The following USP24 variants were observed in gnomAD, a reference collection of about 807,000 sequenced individuals.
USP24 encodes the protein ubiquitin specific peptidase 24, also known as ubiquitin carboxyl-terminal hydrolase 24.
USP24 carries 97 observed loss-of-function variants against 361.6 expected under a neutral mutation model. That is an observed-to-expected ratio of 0.27 (90% CI 0.23 to 0.32). The LOEUF (loss-of-function observed/expected upper bound fraction) is 0.32, where lower values mean the gene tolerates loss of function less well. USP24 is among the 10% of genes least tolerant of loss of function. The pLI is 1.00. For missense variants in USP24, 2,353 were observed against 3,165.6 expected, an observed-to-expected ratio of 0.74 and a Z score of 6.16; for synonymous variants, 1,098 against 1,124.6, an observed-to-expected ratio of 0.98 and a Z score of 0.47.
chr1:55,205,209 A>G (rs1644675135), intron 1 of USP24, among the ~76,000 whole-genome samples: 1 of 152,166 alleles, frequency 6.6e-6, no homozygotes, highest in Admixed American at 6.5e-5. Context: ...AAATATAGTC[A>G]CCACAGAACT....
rs756928536 is a variant in USP24, at chr1:55,178,103, C to T, written c.354G>A (p.Gly118=). Residue 118 remains glycine, a synonymous_variant, in exon 2 of 68, where the codon GGG becomes GGA. Transcript: ENST00000294383. ...EKNDENGNCS[G]EGIEFPTTNL... ...TTGTTGTAGGGAATTCAATTCCTTC[C>T]CCTGAGCAGTTTCCATTCTCATCAT... 1.8e-5 allele frequency: 28 copies of T among 1,551,318 alleles called. No homozygotes were observed. Among genetic ancestry groups the T allele is most frequent in the South Asian group, 1.1e-4 (9 of 84,046 alleles).
chr1:55,077,215 T>C lies in USP24; in HGVS notation c.7380+20A>G. 5 of 1,491,064 alleles carry C rather than the reference T, an allele frequency of 3.4e-6. No individual in the cohort carries two copies. Among genetic ancestry groups the C allele is most frequent in the Non-Finnish European group, 4.5e-6 (5 of 1,106,754 alleles). The allele number at this position is 1,491,064 out of a possible 1,614,324, so 92.4% of individuals were successfully genotyped here. A position where few individuals can be genotyped will look rare whatever the true frequency, so the allele number is the denominator to read the frequency against. On this transcript the variant is annotated intron_variant, in intron 62 of 67. Transcript: ENST00000294383. Reference sequence around the variant, plus strand: ...TAATACATTCCTAAATAAAAGTGAGTCAGAACAGTTATGACTTACCAATAT... The same window carrying C: ...TAATACATTCCTAAATAAAAGTGAGCCAGAACAGTTATGACTTACCAATAT...
chr1:55,124,508 G>C lies in USP24; in HGVS notation c.4081C>G (p.Leu1361Val). ...CTGTTTCGAATTCCAGCAGGACACA[G>C]GGAATTACTTTCTTTAATTGGCTGG... ...SSQPIKESNS[L>V]CPAGIRNRLS... The change falls in exon 35 of 68, where the codon CTG becomes GTG. Residue 1361 changes from leucine to valine, a missense_variant. Physicochemically the swap from Leu to Val is conservative, Grantham distance 32. Coordinates refer to ENST00000294383, the MANE Select transcript of USP24 (RefSeq NM_015306.3). The C allele has an allele frequency of 6.2e-7, 1 of 1,613,346 alleles. No individual in the cohort carries two copies. The highest frequency in any genetic ancestry group is 8.5e-7 in the Non-Finnish European group (1 of 1,179,644).
chr1:55,210,627 G>C (rs1644825883), intron 1 of USP24, among the ~76,000 whole-genome samples: 1 of 152,080 alleles, frequency 6.6e-6, no homozygotes, highest in African/African-American at 2.4e-5. Flanking sequence ...TAGGAATGAG[G>C]TAAGTTAAGG....
chr1:55,154,285 A>T lies in USP24; in HGVS notation c.1651-5T>A. The T allele has an allele frequency of 6.2e-7, 1 of 1,605,786 alleles. No homozygotes were observed. The highest frequency in any genetic ancestry group is 8.5e-7 in the Non-Finnish European group (1 of 1,175,602). Reference sequence around the variant, plus strand: ...TTCCCAGAGTACGTCTAAAACCTACAATAATATTACATATGATCAGCCAGC... The same window carrying T: ...TTCCCAGAGTACGTCTAAAACCTACTATAATATTACATATGATCAGCCAGC... On this transcript the variant is annotated splice_polypyrimidine_tract_variant and splice_region_variant and intron_variant, in intron 14 of 67. Coordinates refer to ENST00000294383, the MANE Select transcript of USP24 (RefSeq NM_015306.3).
intron 1 of USP24, among the ~76,000 whole-genome samples, chr1:55,206,770 A>C (rs1416892891): frequency 3.9e-5 from 6 of 152,116 alleles, no homozygotes; most frequent in African/African-American, 1.4e-4. Context: ...CTATTCCATA[A>C]AAAAGAGAGC....
At chr1:55,076,778 A>T (rs1335389358) in intron 62 of USP24, among the ~76,000 whole-genome samples, 1 of 152,202 alleles carries the variant, frequency 6.6e-6, no homozygotes, top group Non-Finnish European at 1.5e-5. Context: ...ACAATTGATT[A>T]CATTTCAGTT....
intron 23 of USP24, 43 bp downstream of exon 23, chr1:55,142,699 A>G (rs761982745): frequency 7.9e-7 from 1 of 1,272,378 alleles, no homozygotes; most frequent in East Asian, 2.6e-5. Flanking sequence ...AAAGAAAAAA[A>G]GCATTTACCT....
chr1:55,194,986 A>G (rs1185407449), intron 1 of USP24, among the ~76,000 whole-genome samples: 2 of 151,570 alleles, frequency 1.3e-5, no homozygotes, highest in African/African-American at 2.4e-5. Flanking sequence ...TGCCCCCTCC[A>G]AAGGGCCACC....
In USP24 at chr1:55,095,409, AC is replaced by A. The variant is rs1645474265; in HGVS notation, c.6062-14del. On this transcript the variant is annotated splice_polypyrimidine_tract_variant and intron_variant, in intron 50 of 67. Transcript: ENST00000294383. ...GTGTATGGGTTTGCTTTATAACAAG[AC>A]ATTAAGAAACACATCTGTAAATAAA... 4 of 1,589,058 alleles carry A rather than the reference AC, an allele frequency of 2.5e-6. No individual in the cohort carries two copies. The highest frequency in any genetic ancestry group is 3.4e-6 in the Non-Finnish European group (4 of 1,168,296).
At chr1:55,190,164 CAAAAAA>C (rs397696116) in intron 1 of USP24, among the ~76,000 whole-genome samples, 1 of 78,740 alleles carries the variant, frequency 1.3e-5, no homozygotes, top group Non-Finnish European at 2.2e-5. Context: ...GACTCCATCT[CAAAAAA>C]AAAAAAAAAA....
chr1:55,069,731 GCA>G (rs1644881464), intron 67 of USP24, among the ~76,000 whole-genome samples: 1 of 151,850 alleles, frequency 6.6e-6, no homozygotes, highest in African/African-American at 2.4e-5. Flanking sequence ...AATGGGCCAG[GCA>G]CAGTCGCTTA....
At chr1:55,107,001 G>C (rs1415436356) in intron 40 of USP24, among the ~76,000 whole-genome samples, 1 of 152,150 alleles carries the variant, frequency 6.6e-6, no homozygotes, top group Non-Finnish European at 1.5e-5. Flanking sequence ...CTTGGTATTA[G>C]GAAGTTATGT....
rs535476993 is a variant in USP24 at position 55,173,938 on chromosome 1, A to G, written c.559-1418T>C. ...GCAGCAATCCCTCTGGCACCATTCC[A>G]TTTGCTCATTTTTCACTTTGAAAAT... On this transcript the variant is annotated intron_variant, in intron 3 of 67. Coordinates refer to ENST00000294383, the MANE Select transcript of USP24 (RefSeq NM_015306.3). Among the ~76,000 whole-genome samples the G allele has an allele frequency of 3.9e-5, 6 of 152,322 alleles. No individual in the cohort carries two copies. In the East Asian group the frequency reaches 5.8e-4, roughly 15 times the overall value.
At chr1:55,201,600 CAAAAAAAAA>C (rs56659823) in intron 1 of USP24, among the ~76,000 whole-genome samples, 6 of 35,460 alleles carry the variant, frequency 1.7e-4, no homozygotes, top group East Asian at 9.6e-4. Context: ...GACTCCATCT[CAAAAAAAAA>C]AAAAAAAAAA....
At chr1:55,148,412 T>C in intron 17 of USP24, 51 bp downstream of exon 17, 1 of 1,382,960 alleles carries the variant, frequency 7.2e-7, no homozygotes, top group Non-Finnish European at 9.9e-7. Flanking sequence ...GTTTTGTTAT[T>C]GTAAAAGTTA....
intron 16 of USP24, among the ~76,000 whole-genome samples, chr1:55,149,833 A>C (rs563343744): frequency 8.5e-5 from 13 of 152,314 alleles, no homozygotes; most frequent in Middle Eastern, 3.4e-3. Context: ...TTCTCACTTA[A>C]ATTTGGATCA....
intron 1 of USP24, among the ~76,000 whole-genome samples, chr1:55,200,004 A>G (rs1310074376): frequency 1.3e-5 from 2 of 152,220 alleles, no homozygotes; most frequent in African/African-American, 4.8e-5. Context: ...TGATAAAACC[A>G]TCAGATCTTG....
In USP24 at chr1:55,171,593, T is replaced by C. The variant is rs767476206; in HGVS notation, c.788A>G (p.Asn263Ser). 1.9e-6 allele frequency: 3 copies of C among 1,611,500 alleles called. No individual in the cohort carries two copies. The highest frequency in any genetic ancestry group is 2.2e-5 in the East Asian group (1 of 44,746). The change falls in exon 5 of 68, where the codon AAT (asparagine) becomes AGT (serine). Residue 263 changes from asparagine to serine, a missense_variant. Asn to Ser is a conservative substitution (Grantham distance 46, BLOSUM62 1). Coordinates refer to ENST00000294383, the MANE Select transcript of USP24 (RefSeq NM_015306.3). ...RNWAEVFGEGNMFAVSPVSTF... is the reference protein window; with the variant it reads ...RNWAEVFGEGSMFAVSPVSTF... Reference sequence around the variant, plus strand: ...CGATACAGGTGAAACAGCAAACATATTTCCCTCTCCAAACACTTCTGCCCA... The same window carrying C: ...CGATACAGGTGAAACAGCAAACATACTTCCCTCTCCAAACACTTCTGCCCA...
Sources: allele counts gnomAD v4.1 joint callset (sites outside exome capture counted in the v4.1 genomes callset), GRCh38; gene constraint gnomAD v4.1.1; transcripts MANE v1.5; gene names NCBI Gene and HGNC (gene_info 2026-07-23, HGNC 2026-07-21).